The following PCCA variants were observed in gnomAD, a reference collection of about 807,000 sequenced individuals.
PCCA encodes the protein propionyl-CoA carboxylase alpha chain, mitochondrial.
A neutral mutation model predicts 101.3 loss-of-function variants in PCCA; 74 were observed. The observed-to-expected ratio is 0.73, with a 90% CI of 0.61 to 0.89. PCCA has a LOEUF of 0.89. Among genes scored for constraint, PCCA ranks in the 40% least tolerant of loss-of-function variants. PCCA has a pLI of 0.00. For missense variants in PCCA, 891 were observed against 907.0 expected, an observed-to-expected ratio of 0.98 and a Z score of 0.23; for synonymous variants, 294 against 313.6, an observed-to-expected ratio of 0.94 and a Z score of 0.66.
chr13:100,513,332 A>G (rs1310089518), intron 21 of PCCA, among the ~76,000 whole-genome samples: 3 of 152,244 alleles, frequency 2.0e-5, no homozygotes, highest in Non-Finnish European at 1.5e-5. Flanking sequence ...TGCTATTACA[A>G]TAAGTCACTT....
At chr13:100,204,035 T>A (rs560600680) in intron 6 of PCCA, among the ~76,000 whole-genome samples, 1 of 152,308 alleles carries the variant, frequency 6.6e-6, no homozygotes, top group Non-Finnish European at 1.5e-5. Context: ...ATCCTGGAAC[T>A]GGCCTTTTCT....
chr13:100,341,363 C>T (rs1486391284), intron 18 of PCCA, among the ~76,000 whole-genome samples: 1 of 152,148 alleles, frequency 6.6e-6, no homozygotes, highest in African/African-American at 2.4e-5. Context: ...ATGGTCTTTG[C>T]TCCCCCGATG....
chr13:100,278,786 A>G (rs189601815), intron 12 of PCCA, among the ~76,000 whole-genome samples: 17 of 152,206 alleles, frequency 1.1e-4, no homozygotes, highest in Non-Finnish European at 2.2e-4. Context: ...CCTGTAGTTG[A>G]TATTTTTATC....
At chr13:100,234,973 T>C (rs1233700857) in intron 7 of PCCA, among the ~76,000 whole-genome samples, 1 of 152,036 alleles carries the variant, frequency 6.6e-6, no homozygotes, top group Non-Finnish European at 1.5e-5. Flanking sequence ...TTTATTGTTA[T>C]TTGGGGAAAT....
At chr13:100,418,671 A>G (rs1048711058) in intron 19 of PCCA, among the ~76,000 whole-genome samples, 1 of 151,982 alleles carries the variant, frequency 6.6e-6, no homozygotes, top group African/African-American at 2.4e-5. Flanking sequence ...CGTCTCTACT[A>G]AAAATACAAA....
chr13:100,339,655 A>G (rs1466232503), intron 17 of PCCA, among the ~76,000 whole-genome samples: 1 of 152,228 alleles, frequency 6.6e-6, no homozygotes, highest in Admixed American at 6.5e-5. Flanking sequence ...GGATTCATGC[A>G]GAGAAGCAGA....
At position 100,125,135 on chromosome 13, in the gene PCCA, T is replaced by TTGTGTGTGTGTGTG. The variant is rs3034643; in HGVS notation, c.300+13088_300+13101dup. ...TGAAAAGTATCAGGTGACCTTTTAT[T>TTGTGTGTGTGTGTG]TGTGTGTGTGTGTGTGTGTGTGTGT... is the stretch of plus-strand genomic sequence containing the variant. On this transcript the variant is annotated intron_variant, in intron 4 of 23. Transcript: ENST00000376285. Among the ~76,000 whole-genome samples the TTGTGTGTGTGTGTG allele has an allele frequency of 5.1e-3, 768 of 149,214 alleles. 5 individuals carry two copies. The highest frequency in any genetic ancestry group is 0.017 in the African/African-American group (705 of 40,322).
At chr13:100,290,487 CA>C (rs766882940) in intron 12 of PCCA, among the ~76,000 whole-genome samples, 1 of 152,212 alleles carries the variant, frequency 6.6e-6, no homozygotes, top group Non-Finnish European at 1.5e-5. Flanking sequence ...GCTGGGATTA[CA>C]GGCATGAGCC....
intron 21 of PCCA, among the ~76,000 whole-genome samples, chr13:100,474,088 G>A (rs567241775): frequency 4.1e-4 from 62 of 152,152 alleles, no homozygotes; most frequent in Admixed American, 1.2e-3. Flanking sequence ...AGAAGGTAGG[G>A]AATTGAATTG....
At chr13:100,466,450 A>G (rs994453183) in intron 21 of PCCA, among the ~76,000 whole-genome samples, 2 of 152,194 alleles carry the variant, frequency 1.3e-5, no homozygotes, top group African/African-American at 4.8e-5. Flanking sequence ...TATGGTGTAA[A>G]TTCTCAAGAT....
intron 6 of PCCA, among the ~76,000 whole-genome samples, chr13:100,171,581 C>T (rs1465835954): frequency 6.6e-6 from 1 of 152,208 alleles, no homozygotes; most frequent in South Asian, 2.1e-4. Flanking sequence ...TACCACTTTA[C>T]TTACTAGTCA....
chr13:100,274,861 C>T (rs2063534408), intron 12 of PCCA, among the ~76,000 whole-genome samples: 1 of 152,010 alleles, frequency 6.6e-6, no homozygotes, highest in Admixed American at 6.5e-5. Context: ...CTCTTCAGTC[C>T]AATTCACCAT....
intron 19 of PCCA, among the ~76,000 whole-genome samples, chr13:100,409,369 C>T (rs1399951573): frequency 1.3e-5 from 2 of 152,110 alleles, no homozygotes; most frequent in Non-Finnish European, 2.9e-5. Context: ...TTCTTTGTCC[C>T]ATGGCCAGAA....
In PCCA at chr13:100,264,053, GTATATATACGGTATCTGTATATCGTA is replaced by G. The variant is rs1566822727; in HGVS notation, c.819+1229_819+1254del. 2.2e-3 allele frequency among the ~76,000 whole-genome samples: 297 copies of G among 136,110 alleles called. 9 individuals carry two copies. Among genetic ancestry groups the G allele is most frequent in the African/African-American group, 7.9e-3 (290 of 36,876 alleles). The allele number at this position is 136,110 out of a possible 152,430, so 89.3% of individuals were successfully genotyped here. Reference sequence around the variant, plus strand: ...CGTATATATACGGTATCTGTATATCGTATATATACGGTATCTGTATATCGTATATATACGGTATCTGTATATCGTAT... The same window carrying G: ...CGTATATATACGGTATCTGTATATCGTATATACGGTATCTGTATATCGTAT... On this transcript the variant is annotated intron_variant, in intron 10 of 23. Coordinates refer to ENST00000376285, the MANE Select transcript of PCCA (RefSeq NM_000282.4).
chr13:100,285,717 A>G (rs1384745203), intron 12 of PCCA, among the ~76,000 whole-genome samples: 1 of 152,104 alleles, frequency 6.6e-6, no homozygotes, highest in Non-Finnish European at 1.5e-5. Flanking sequence ...CTCCCAGAGG[A>G]TGGGGAACCA....
chr13:100,391,206 C>T (rs993785976), intron 19 of PCCA, among the ~76,000 whole-genome samples: 5 of 152,054 alleles, frequency 3.3e-5, no homozygotes, highest in African/African-American at 7.2e-5. Flanking sequence ...TTAGTAGAGA[C>T]GGAGTTTCAC....
chr13:100,241,524 G>A (rs1291939814), intron 8 of PCCA, among the ~76,000 whole-genome samples: 2 of 152,138 alleles, frequency 1.3e-5, no homozygotes, highest in East Asian at 3.9e-4. Context: ...AGGATAGAGT[G>A]CAGTGGTGTG....
chr13:100,206,670 C>T (rs1340029245), intron 6 of PCCA, among the ~76,000 whole-genome samples: 2 of 152,172 alleles, frequency 1.3e-5, no homozygotes, highest in Non-Finnish European at 2.9e-5. Context: ...GGACATGCTA[C>T]TCCCAAATTT....
At chr13:100,286,839 G>T (rs2064713664) in intron 12 of PCCA, among the ~76,000 whole-genome samples, 1 of 150,170 alleles carries the variant, frequency 6.7e-6, no homozygotes, top group South Asian at 2.1e-4. Flanking sequence ...CTTATCTATT[G>T]CCTTTTTAAC....
Sources: allele counts gnomAD v4.1 joint callset (sites outside exome capture counted in the v4.1 genomes callset), GRCh38; gene constraint gnomAD v4.1.1; transcripts MANE v1.5; gene names NCBI Gene and HGNC (gene_info 2026-07-23, HGNC 2026-07-21).